GALNT13: variants seen among roughly 807,000 people sequenced by gnomAD.
GALNT13 encodes the protein UDP-GalNAc:polypeptide N-acetylgalactosaminyltransferase 13.
In GALNT13, 28 loss-of-function variants were observed where a neutral mutation model predicts 64.2. That is an observed-to-expected ratio of 0.44 (90% CI 0.32 to 0.60). The LOEUF (loss-of-function observed/expected upper bound fraction) is 0.60, where lower values mean the gene tolerates loss of function less well. Ranked by LOEUF, GALNT13 falls within the 20% of genes least tolerant of loss-of-function variation. The probability of loss-of-function intolerance (pLI) is 0.05; values close to 1 mark genes in which losing one functional copy is unlikely to be tolerated. For missense variants in GALNT13, 577 were observed against 669.8 expected, an observed-to-expected ratio of 0.86 and a Z score of 1.53; for synonymous variants, 214 against 224.6, an observed-to-expected ratio of 0.95 and a Z score of 0.42.
At chr2:154,309,457 G>C (rs988384761) in intron 9 of GALNT13, among the ~76,000 whole-genome samples, 1 of 152,164 alleles carries the variant, frequency 6.6e-6, no homozygotes, top group Admixed American at 6.6e-5. Flanking sequence ...AATTCTGCAG[G>C]CTGGGAAGTC....
At chr2:153,488,048 A>C in the GALNT13 span, among the ~76,000 whole-genome samples, 1 of 152,216 alleles carries the variant, frequency 6.6e-6, no homozygotes, top group Non-Finnish European at 1.5e-5. Flanking sequence ...TGTTAAATAA[A>C]TCATACCAGA....
chr2:153,964,266 T>A (rs1183499015), intron 3 of GALNT13, among the ~76,000 whole-genome samples: 2 of 152,094 alleles, frequency 1.3e-5, no homozygotes, highest in Non-Finnish European at 2.9e-5. Context: ...CTGGGCAACA[T>A]GGCGAAAAGC....
At chr2:154,246,053 T>C in intron 7 of GALNT13, 71 bp downstream of exon 7, 3 of 1,029,986 alleles carry the variant, frequency 2.9e-6, no homozygotes, top group African/African-American at 1.6e-5. Flanking sequence ...AGATTTCTGT[T>C]CTAATGTTTA....
At chr2:153,719,725 T>G in the GALNT13 span, among the ~76,000 whole-genome samples, 1 of 151,764 alleles carries the variant, frequency 6.6e-6, no homozygotes, top group Non-Finnish European at 1.5e-5. Context: ...ATCGGGTCAC[T>G]CCCACCCGAA....
At chr2:153,915,594 G>T (rs898286740) in intron 2 of GALNT13, among the ~76,000 whole-genome samples, 6 of 151,738 alleles carry the variant, frequency 4.0e-5, no homozygotes, top group African/African-American at 1.5e-4. Context: ...TCATCTCTTT[G>T]CCTGGTGACC....
At chr2:154,077,939 A>G (rs1701074451) in intron 3 of GALNT13, among the ~76,000 whole-genome samples, 1 of 151,498 alleles carries the variant, frequency 6.6e-6, no homozygotes, top group African/African-American at 2.4e-5. Flanking sequence ...AAATTGTTAA[A>G]CAGAGAATGG....
At chr2:153,538,497 C>A in the GALNT13 span, among the ~76,000 whole-genome samples, 1 of 111,464 alleles carries the variant, frequency 9.0e-6, no homozygotes, top group East Asian at 2.6e-4. Context: ...CCCACTAACT[C>A]ATCATCTAGC....
At chr2:154,415,853 C>T (rs899278842) in intron 11 of GALNT13, among the ~76,000 whole-genome samples, 8 of 152,104 alleles carry the variant, frequency 5.3e-5, no homozygotes, top group African/African-American at 1.9e-4. Context: ...GAAGCCATTT[C>T]AATACTAATT....
the GALNT13 span, among the ~76,000 whole-genome samples, chr2:153,793,300 G>C: frequency 3.3e-5 from 5 of 151,600 alleles, no homozygotes; most frequent in Admixed American, 6.6e-5. Context: ...GGTCTTAAAG[G>C]CTTTAAAAAA....
At chr2:153,622,931 CAT>C in the GALNT13 span, among the ~76,000 whole-genome samples, 1 of 152,102 alleles carries the variant, frequency 6.6e-6, no homozygotes, top group South Asian at 2.1e-4. Flanking sequence ...TGAATTAACA[CAT>C]GATTGCAGCC....
chr2:153,980,976 G>T (rs1574257954), intron 3 of GALNT13, among the ~76,000 whole-genome samples: 1 of 152,098 alleles, frequency 6.6e-6, no homozygotes, highest in East Asian at 1.9e-4. Context: ...AATCTCAAAT[G>T]ATATTTTATT....
the GALNT13 span, among the ~76,000 whole-genome samples, chr2:153,417,303 G>A: frequency 2.6e-5 from 4 of 152,172 alleles, no homozygotes; most frequent in African/African-American, 7.2e-5. Flanking sequence ...GGGAGCAGAT[G>A]ATGTAGGGCC....
chr2:153,984,789 T>C (rs1331840712), intron 3 of GALNT13, among the ~76,000 whole-genome samples: 2 of 151,948 alleles, frequency 1.3e-5, no homozygotes, highest in Non-Finnish European at 2.9e-5. Flanking sequence ...CTATTTGTTT[T>C]ATATTTCCTC....
chr2:153,969,760 C>T (rs1454434694), intron 3 of GALNT13, among the ~76,000 whole-genome samples: 2 of 152,082 alleles, frequency 1.3e-5, no homozygotes, highest in Non-Finnish European at 2.9e-5. Context: ...TCATAACTAT[C>T]ATTATTTTCT....
chr2:153,966,173 C>T (rs1693319236), intron 3 of GALNT13, among the ~76,000 whole-genome samples: 1 of 147,754 alleles, frequency 6.8e-6, no homozygotes, highest in East Asian at 2.0e-4. Context: ...GTCTTCATTT[C>T]TCCTAACTGT....
chr2:153,279,143 G>T, the GALNT13 span, among the ~76,000 whole-genome samples: 1 of 152,104 alleles, frequency 6.6e-6, no homozygotes, highest in African/African-American at 2.4e-5. Context: ...TTGCATTCTT[G>T]ATTTGGCTCT....
the GALNT13 span, among the ~76,000 whole-genome samples, chr2:153,327,589 A>G: frequency 1.3e-4 from 20 of 151,368 alleles, 1 homozygote; most frequent in East Asian, 2.8e-3. Flanking sequence ...TGATTTGGCT[A>G]TTGATACTTG....
chr2:153,647,358 G>T, the GALNT13 span, among the ~76,000 whole-genome samples: 1 of 152,100 alleles, frequency 6.6e-6, no homozygotes, highest in Non-Finnish European at 1.5e-5. Flanking sequence ...GTAGATTCTG[G>T]ATATTAGCCC....
the GALNT13 span, among the ~76,000 whole-genome samples, chr2:153,687,089 G>A: frequency 2.6e-5 from 4 of 151,854 alleles, no homozygotes; most frequent in African/African-American, 7.3e-5. Context: ...CAAGGATATC[G>A]GCCTGAAGTT....
Sources: gnomAD v4.1 joint callset for allele counts (sites outside exome capture counted in the v4.1 genomes callset) on GRCh38, gnomAD v4.1.1 for gene constraint, MANE v1.5 for transcripts, NCBI Gene and HGNC (gene_info 2026-07-23, HGNC 2026-07-21) for gene names.